Variants in ELAPOR1 observed in about 807,000 individuals in gnomAD.
ELAPOR1 encodes endosome/lysosome-associated apoptosis and autophagy regulator 1.
A neutral mutation model predicts 119.7 loss-of-function variants in ELAPOR1; 77 were observed. The ratio of observed to expected loss-of-function variants is 0.64; its 90% CI spans 0.54 to 0.78. The LOEUF is 0.78. Ranked by LOEUF, ELAPOR1 falls within the 30% of genes least tolerant of loss-of-function variation. The pLI, the probability that ELAPOR1 is intolerant of heterozygous loss-of-function variation, is 0.00. For missense variants in ELAPOR1, 1,115 were observed against 1,270.4 expected (o/e 0.88, Z 1.86); for synonymous variants, 481 against 487.2 (o/e 0.99, Z 0.17).
chr1:109,123,571 T>C (rs549095293), intron 1 of ELAPOR1, among the ~76,000 whole-genome samples: 1 of 152,348 alleles, frequency 6.6e-6, no homozygotes, highest in African/African-American at 2.4e-5. Context: ...ACTTTAAATT[T>C]CTCTATTCCC....
chr1:109,154,702 C>T (rs1419958748), intron 1 of ELAPOR1, among the ~76,000 whole-genome samples: 1 of 152,222 alleles, frequency 6.6e-6, no homozygotes, highest in Non-Finnish European at 1.5e-5. Flanking sequence ...GACCTCACTG[C>T]CACCTGGTCA....
At chr1:109,142,386 G>A (rs926490957) in intron 1 of ELAPOR1, among the ~76,000 whole-genome samples, 7 of 152,154 alleles carry the variant, frequency 4.6e-5, no homozygotes, top group Non-Finnish European at 8.8e-5. Flanking sequence ...CTTAACAACT[G>A]GCTCTCTAGG....
At chr1:109,144,061 A>ATATATATATATATATTTTT in intron 1 of ELAPOR1, among the ~76,000 whole-genome samples, 8 of 89,010 alleles carry the variant, frequency 9.0e-5, no homozygotes, top group African/African-American at 3.9e-4. Flanking sequence ...ATATTTATAT[A>ATATATATATATATATTTTT]TTTTTTTTTT....
At chr1:109,168,205 C>A (rs631178) in intron 3 of ELAPOR1, among the ~76,000 whole-genome samples, 1 of 152,090 alleles carries the variant, frequency 6.6e-6, no homozygotes, top group Non-Finnish European at 1.5e-5. Context: ...CCTAAAAATC[C>A]CTTCCTCAAA....
At chr1:109,171,283 C>T (rs1298507376) in intron 3 of ELAPOR1, among the ~76,000 whole-genome samples, 5 of 152,160 alleles carry the variant, frequency 3.3e-5, no homozygotes, top group Non-Finnish European at 7.3e-5. Flanking sequence ...CGCAGTGGCT[C>T]ATGCCTGTAA....
At chr1:109,137,787 C>A (rs935019654) in intron 1 of ELAPOR1, among the ~76,000 whole-genome samples, 3 of 152,198 alleles carry the variant, frequency 2.0e-5, no homozygotes, top group African/African-American at 2.4e-5. Context: ...CTCGGCCCCC[C>A]AAAGTGCTGG....
At chr1:109,202,206 A>G (rs1489933824) in intron 21 of ELAPOR1, among the ~76,000 whole-genome samples, 1 of 149,802 alleles carries the variant, frequency 6.7e-6, no homozygotes, top group African/African-American at 2.5e-5. Flanking sequence ...TCCACCTCCC[A>G]GGTTCAAGTG....
chr1:109,119,878 T>C (rs1648282731), intron 1 of ELAPOR1, among the ~76,000 whole-genome samples: 1 of 152,198 alleles, frequency 6.6e-6, no homozygotes, highest in Non-Finnish European at 1.5e-5. Context: ...GATTCATCTT[T>C]ACAGGAGAAT....
chr1:109,184,256 A>G (rs890924829), intron 7 of ELAPOR1, among the ~76,000 whole-genome samples: 1 of 152,108 alleles, frequency 6.6e-6, no homozygotes, highest in African/African-American at 2.4e-5. Flanking sequence ...CTGTAATTCC[A>G]GCTACTCAAG....
In ELAPOR1 at chr1:109,155,185, A is replaced by T. The variant is rs572847062; in HGVS notation, c.154-6709A>T. Among the ~76,000 whole-genome samples the T allele has an allele frequency of 2.4e-4, 37 of 152,050 alleles. No individual in the cohort carries two copies. In the South Asian group the frequency reaches 2.5e-3, roughly 10 times the overall value. On this transcript the variant is annotated intron_variant, in intron 1 of 21. Coordinates refer to ENST00000369939, the MANE Select transcript of ELAPOR1 (RefSeq NM_020775.5). The stretch of plus-strand genomic sequence containing the variant: ...GATGAGTGAACATCATTATATATAT[A>T]TATTTTTTTGAGACGGAGGCTCACT...
At chr1:109,142,305 G>A (rs1570631350) in intron 1 of ELAPOR1, among the ~76,000 whole-genome samples, 1 of 152,236 alleles carries the variant, frequency 6.6e-6, no homozygotes, top group African/African-American at 2.4e-5. Context: ...AGAAGCTGAA[G>A]AAAAGAGCAA....
At chr1:109,180,465 C>T (rs921283403) in intron 7 of ELAPOR1, among the ~76,000 whole-genome samples, 1 of 151,492 alleles carries the variant, frequency 6.6e-6, no homozygotes, top group African/African-American at 2.4e-5. Context: ...ATGATTGCTC[C>T]ATTGCACTCC....
In ELAPOR1 at chr1:109,121,633, A is replaced by G. The variant is rs374636508; in HGVS notation, c.153+7297A>G. 2.6e-5 allele frequency among the ~76,000 whole-genome samples: 4 copies of G among 152,292 alleles called. 1 individual carries two copies. The highest frequency in any genetic ancestry group is 9.6e-5 in the African/African-American group (4 of 41,560). ...CTGAAAAGAGGGGTAATGCTGCCTT[A>G]GACACTGGAGGGACTAAACTCTGAC... On this transcript the variant is annotated intron_variant, in intron 1 of 21. Coordinates refer to ENST00000369939, the MANE Select transcript of ELAPOR1 (RefSeq NM_020775.5).
At chr1:109,184,740 C>T (rs1652941859) in intron 7 of ELAPOR1, among the ~76,000 whole-genome samples, 1 of 152,210 alleles carries the variant, frequency 6.6e-6, no homozygotes, top group Admixed American at 6.5e-5. Context: ...GTCTACCCTC[C>T]TTGCTGGTCC....
chr1:109,157,904 T>C (rs1650980453), intron 1 of ELAPOR1, among the ~76,000 whole-genome samples: 1 of 152,238 alleles, frequency 6.6e-6, no homozygotes, highest in Non-Finnish European at 1.5e-5. Flanking sequence ...CTTTTTTTAT[T>C]TGAGACAGGG....
At chr1:109,153,540 G>A (rs1257120340) in intron 1 of ELAPOR1, among the ~76,000 whole-genome samples, 1 of 152,216 alleles carries the variant, frequency 6.6e-6, no homozygotes, top group African/African-American at 2.4e-5. Flanking sequence ...GTACATGCAT[G>A]TATAGAATCA....
chr1:109,145,519 GGT>G lies in ELAPOR1; in HGVS notation c.154-16373_154-16372del, dbSNP rs747856020. Among the ~76,000 whole-genome samples, 114 of 152,172 alleles carry G rather than the reference GGT, an allele frequency of 7.5e-4. No homozygotes were observed. The Middle Eastern group carries it at 0.014, about 18-fold the overall frequency. On this transcript the variant is annotated intron_variant, in intron 1 of 21. Coordinates refer to ENST00000369939, the MANE Select transcript of ELAPOR1 (RefSeq NM_020775.5). ...AAAAATACAAAAATTAGCTGGGCAT[GGT>G]GGTGCGCACTTGTGGTCTCAGCTAC...
At chr1:109,159,000 C>T (rs1377223172) in intron 1 of ELAPOR1, among the ~76,000 whole-genome samples, 2 of 151,336 alleles carry the variant, frequency 1.3e-5, no homozygotes, top group Admixed American at 6.6e-5. Context: ...CAGGTTCAAG[C>T]GATTCTCTTG....
chr1:109,188,948 A>C, intron 9 of ELAPOR1, 118 bp from the exon 10 acceptor site: 1 of 1,179,610 alleles, frequency 8.5e-7, no homozygotes, highest in Non-Finnish European at 1.2e-6. Context: ...AGCAGTACTC[A>C]GCAGCCAGGC....
Sources: allele counts gnomAD v4.1 joint callset (sites outside exome capture counted in the v4.1 genomes callset), GRCh38; gene constraint gnomAD v4.1.1; transcripts MANE v1.5; gene names NCBI Gene and HGNC (gene_info 2026-07-23, HGNC 2026-07-21).